Variants in CFAP20DC observed in about 807,000 individuals in gnomAD.
The protein encoded by CFAP20DC is protein CFAP20DC.
A neutral mutation model predicts 101.7 loss-of-function variants in CFAP20DC; 84 were observed. The observed-to-expected ratio is 0.83, with a 90% CI of 0.69 to 0.99. CFAP20DC has a LOEUF of 0.99. CFAP20DC is among the 50% of genes least tolerant of loss of function. The pLI is 0.00. For missense variants in CFAP20DC, 1,007 were observed against 970.3 expected (o/e 1.04, Z -0.50); for synonymous variants, 359 against 351.2 (o/e 1.02, Z -0.25).
rs373180341 is a variant in CFAP20DC at position 58,795,727 on chromosome 3, G to A, written c.2237+10668C>T. ...AAGCCTTTGGGAGGTGAGGGGAGAA[G>A]ATGTGATCTATTGTTCTGAAACTCC... On this transcript the variant is annotated intron_variant, in intron 15 of 16. Transcript: ENST00000482387. This position sits in a 1 kb window ranked among gnomAD's most constrained non-coding sequence, Gnocchi z 4.2. Among the ~76,000 whole-genome samples, 3 of 152,326 alleles carry A rather than the reference G, an allele frequency of 2.0e-5. No homozygotes were observed. In the East Asian group the frequency reaches 5.8e-4, roughly 29 times the overall value.
chr3:58,948,194 A>T (rs1017107887), intron 4 of CFAP20DC, among the ~76,000 whole-genome samples: 1 of 152,208 alleles, frequency 6.6e-6, no homozygotes, highest in Non-Finnish European at 1.5e-5. Flanking sequence ...CAATACCAGT[A>T]TGCTTCCTGC....
chr3:58,995,662 T>C (rs918582927), intron 4 of CFAP20DC, among the ~76,000 whole-genome samples: 2 of 152,172 alleles, frequency 1.3e-5, no homozygotes, highest in African/African-American at 4.8e-5. Flanking sequence ...AACACACAAA[T>C]CAGTAGACTG....
At chr3:58,841,631 T>C (rs1164731643) in intron 13 of CFAP20DC, among the ~76,000 whole-genome samples, 1 of 152,246 alleles carries the variant, frequency 6.6e-6, no homozygotes, top group Non-Finnish European at 1.5e-5. Flanking sequence ...GCCTAAAATA[T>C]ATTCAAAAGT....
intron 14 of CFAP20DC, among the ~76,000 whole-genome samples, chr3:58,811,941 A>G (rs2074674675): frequency 6.6e-6 from 1 of 152,164 alleles, no homozygotes. Context: ...GCAGCCAAAA[A>G]ACACATGAAA....
At chr3:58,884,809 T>C in intron 6 of CFAP20DC, 100 bp from the exon 7 acceptor site, 2 of 980,546 alleles carry the variant, frequency 2.0e-6, no homozygotes, top group Non-Finnish European at 3.0e-6. Flanking sequence ...GATTTTAGCG[T>C]ATGACTTTGT....
intron 4 of CFAP20DC, among the ~76,000 whole-genome samples, chr3:59,023,772 C>A (rs1305205399): frequency 1.3e-5 from 2 of 152,016 alleles, no homozygotes; most frequent in African/African-American, 4.8e-5. Flanking sequence ...TGTTAGAGTA[C>A]CTCGAAACAC....
chr3:58,806,777 C>T (rs1046865108), intron 14 of CFAP20DC, among the ~76,000 whole-genome samples: 4 of 152,306 alleles, frequency 2.6e-5, no homozygotes, highest in East Asian at 3.9e-4. Context: ...TTGCCTCACT[C>T]GGGAAGCGCA....
intron 3 of CFAP20DC, chr3:58,725,877 C>G: frequency 5.6e-6 from 1 of 178,546 alleles, no homozygotes; most frequent in Non-Finnish European, 1.2e-5. Flanking sequence ...TGGGGCTGAG[C>G]TTCTTTCTGG....
In CFAP20DC at chr3:58,871,531, CT is replaced by C. The variant is rs951056591; in HGVS notation, c.716-1223del. 2.7e-3 allele frequency among the ~76,000 whole-genome samples: 361 copies of C among 136,074 alleles called. 2 individuals are homozygous for C. Among genetic ancestry groups the C allele is most frequent in the African/African-American group, 3.6e-3 (132 of 37,148 alleles). 89.3% of individuals were successfully genotyped at this position (136,074 alleles called of 152,430 possible). ...GCCGCATGACTGAATTCCGACTTTT[CT>C]TTTTTTTTTTTTTTTGAGACAGTCT... On this transcript the variant is annotated intron_variant, in intron 7 of 16. Coordinates refer to ENST00000482387, the MANE Select transcript of CFAP20DC (RefSeq NM_001394063.1).
At chr3:59,027,572 A>G (rs2093915587) in intron 4 of CFAP20DC, among the ~76,000 whole-genome samples, 2 of 152,236 alleles carry the variant, frequency 1.3e-5, no homozygotes, top group Admixed American at 6.5e-5. Flanking sequence ...TCATTGAGAT[A>G]ATGACAAAAT....
At chr3:58,878,944 C>T (rs1245230141) in intron 7 of CFAP20DC, among the ~76,000 whole-genome samples, 1 of 151,484 alleles carries the variant, frequency 6.6e-6, no homozygotes, top group East Asian at 1.9e-4. Flanking sequence ...GGAGGCGGAG[C>T]TTGCAGCGAG....
intron 16 of CFAP20DC, among the ~76,000 whole-genome samples, chr3:58,744,354 T>C (rs978820008): frequency 6.6e-6 from 1 of 152,198 alleles, no homozygotes; most frequent in African/African-American, 2.4e-5. Flanking sequence ...TCAGAGTACT[T>C]TGTACCAGTC....
intron 15 of CFAP20DC, among the ~76,000 whole-genome samples, chr3:58,772,377 A>G (rs2070929664): frequency 6.6e-6 from 1 of 152,210 alleles, no homozygotes; most frequent in African/African-American, 2.4e-5. Flanking sequence ...TTGAGCTTGT[A>G]TATAATTATA....
At chr3:58,816,932 G>C (rs965874000) in intron 14 of CFAP20DC, among the ~76,000 whole-genome samples, 2 of 152,192 alleles carry the variant, frequency 1.3e-5, no homozygotes, top group African/African-American at 4.8e-5. Context: ...CCAGCACGCA[G>C]CTGGAGATCT....
intron 4 of CFAP20DC, among the ~76,000 whole-genome samples, chr3:58,979,585 C>T (rs532756057): frequency 4.3e-4 from 66 of 152,200 alleles, no homozygotes; most frequent in Non-Finnish European, 7.9e-4. Flanking sequence ...CATAAGAGAA[C>T]GTCAACTCTG....
intron 5 of CFAP20DC, among the ~76,000 whole-genome samples, chr3:58,928,043 C>T (rs2086176224): frequency 6.6e-6 from 1 of 152,122 alleles, no homozygotes; most frequent in Admixed American, 6.5e-5. Context: ...ATAATTTGAC[C>T]ATGATAAACT....
chr3:58,776,836 G>C (rs1217357083), intron 15 of CFAP20DC, among the ~76,000 whole-genome samples: 2 of 151,842 alleles, frequency 1.3e-5, no homozygotes, highest in Non-Finnish European at 2.9e-5. Context: ...AAAGGCAACA[G>C]AAAGAACAGT....
chr3:58,881,637 C>T (rs1019323466), intron 7 of CFAP20DC, among the ~76,000 whole-genome samples: 2 of 152,188 alleles, frequency 1.3e-5, no homozygotes, highest in African/African-American at 4.8e-5. Context: ...AAAGCACCCA[C>T]AGAAAACAGC....
intron 15 of CFAP20DC, among the ~76,000 whole-genome samples, chr3:58,790,923 C>T (rs1478550878): frequency 6.6e-6 from 1 of 152,040 alleles, no homozygotes; most frequent in Non-Finnish European, 1.5e-5. Context: ...TTAAAAAATT[C>T]AAGAGGTATT....
Sources: gnomAD v4.1 joint callset for allele counts (sites outside exome capture counted in the v4.1 genomes callset) on GRCh38, gnomAD v4.1.1 for gene constraint, Gnocchi (gnomAD v3.1) non-coding constraint, MANE v1.5 for transcripts, NCBI Gene and HGNC (gene_info 2026-07-23, HGNC 2026-07-21) for gene names.